The following THTPA variants were observed in gnomAD, a reference collection of about 807,000 sequenced individuals.
THTPA encodes the protein thiamine-triphosphatase.
In THTPA, 16 loss-of-function variants were observed where a neutral mutation model predicts 16.5. That is an observed-to-expected ratio of 0.97 (90% CI 0.66 to 1.47). The LOEUF (loss-of-function observed/expected upper bound fraction) is 1.47, where lower values mean the gene tolerates loss of function less well. Ranked by LOEUF, THTPA falls within the 40% of genes most tolerant of loss-of-function variation. The pLI is 0.00. For synonymous variants in THTPA, 110 were observed against 115.5 expected (o/e 0.95, Z 0.30); for missense variants, 281 against 280.9 (o/e 1.00, Z 0.00).
chr14:23,522,988 A>G, the THTPA span: 3 of 1,424,846 alleles, frequency 2.1e-6, no homozygotes, highest in South Asian at 3.1e-5. Flanking sequence ...CTCCTGTCCC[A>G]TCATTCTTCC....
chr14:23,540,512 A>G, the THTPA span, among the ~76,000 whole-genome samples: 2 of 152,234 alleles, frequency 1.3e-5, no homozygotes, highest in African/African-American at 2.4e-5. Context: ...AACAGGAAGG[A>G]TGAGATGTGT....
At chr14:23,548,875 C>CATCAGTCACGCTCTCTTT in the THTPA span, among the ~76,000 whole-genome samples, 1 of 152,154 alleles carries the variant, frequency 6.6e-6, no homozygotes, top group Non-Finnish European at 1.5e-5. Flanking sequence ...TCGCTCTCTT[C>CATCAGTCACGCTCTCTTT]GCATCAGTCA....
the THTPA span, chr14:23,531,585 G>A: frequency 2.8e-5 from 43 of 1,527,260 alleles, no homozygotes; most frequent in Non-Finnish European, 3.8e-5. Context: ...ACGCCTCTGG[G>A]CCTGGGCATC....
the THTPA span, chr14:23,531,869 C>G: frequency 1.1e-5 from 12 of 1,086,210 alleles, no homozygotes; most frequent in Non-Finnish European, 1.4e-5. Flanking sequence ...CCTCTACCTC[C>G]TGGGTTCAGT....
At chr14:23,523,458 G>A in the THTPA span, 3 of 1,535,914 alleles carry the variant, frequency 2.0e-6, no homozygotes, top group African/African-American at 1.4e-5. The surrounding 1 kb of genome is among the most constrained non-coding windows in gnomAD (Gnocchi z 4.1). Context: ...AGATGGCCTC[G>A]GCAGGAGACA....
At chr14:23,521,279 T>C in the THTPA span, 1 of 151,886 alleles carries the variant, frequency 6.6e-6, no homozygotes. Flanking sequence ...GTAGGAAGAG[T>C]GAACCAGAAG....
the THTPA span, chr14:23,527,694 C>T: frequency 3.9e-6 from 6 of 1,536,130 alleles, no homozygotes; most frequent in Admixed American, 3.9e-5. Flanking sequence ...CCAGCTGTTC[C>T]TGGCACAGTG....
chr14:23,554,095 C>T (rs376836831), upstream of THTPA, among the ~76,000 whole-genome samples: 6 of 146,318 alleles, frequency 4.1e-5, no homozygotes, highest in Admixed American at 1.4e-4. Context: ...GAGTAGCTTG[C>T]GGAAGGCCAA....
At chr14:23,527,188 C>G in the THTPA span, among the ~76,000 whole-genome samples, 4 of 152,178 alleles carry the variant, frequency 2.6e-5, no homozygotes, top group Non-Finnish European at 5.9e-5. Context: ...TTTCCCCAAA[C>G]CAGAAGTCAT....
At chr14:23,551,031 G>T (rs1299612971), upstream of THTPA, among the ~76,000 whole-genome samples, 4 of 151,496 alleles carry the variant, frequency 2.6e-5, no homozygotes, top group East Asian at 5.8e-4. This position sits in a 1 kb window ranked among gnomAD's most constrained non-coding sequence, Gnocchi z 5.3. Context: ...CATACCCTTC[G>T]TCTGTCCGGC....
At chr14:23,532,066 G>A in the THTPA span, 5,317 of 185,706 alleles carry the variant, frequency 0.029, 313 homozygotes, top group African/African-American at 0.12. Context: ...GTGAGCCACC[G>A]CACCTAGCCT....
At chr14:23,519,197 C>T in the THTPA span, among the ~76,000 whole-genome samples, 3 of 152,222 alleles carry the variant, frequency 2.0e-5, no homozygotes, top group African/African-American at 4.8e-5. Context: ...TCGGTGAAAA[C>T]ACTCATAGTT....
At chr14:23,520,618 T>C in the THTPA span, among the ~76,000 whole-genome samples, 1 of 152,068 alleles carries the variant, frequency 6.6e-6, no homozygotes, top group East Asian at 1.9e-4. This position sits in a 1 kb window ranked among gnomAD's most constrained non-coding sequence, Gnocchi z 8.7. Flanking sequence ...AGCGGGGACA[T>C]GTCCCTCCCC....
At chr14:23,532,155 AC>A in the THTPA span, 2 of 122,384 alleles carry the variant, frequency 1.6e-5, no homozygotes, top group African/African-American at 3.2e-5. Flanking sequence ...TGCTCCTGAA[AC>A]CCCCCCTTTC....
At position 23,559,902 on chromosome 14, in the gene THTPA, CCTGGGT is replaced by C; in HGVS notation, c.*1065_*1070del. The C allele has an allele frequency of 6.2e-7, 1 of 1,611,798 alleles. No individual in the cohort carries two copies. Among genetic ancestry groups the C allele is most frequent in the Non-Finnish European group, 8.5e-7 (1 of 1,178,360 alleles). ...GTTAGCACCCACGGCTTCTTCTATCCCTGGGTCTTGTCTTGGGGGAACTCCTGAAGC... is the reference window on the plus strand; with the variant it reads ...GTTAGCACCCACGGCTTCTTCTATCCCTTGTCTTGGGGGAACTCCTGAAGC... On this transcript the variant is annotated 3_prime_UTR_variant, in exon 2 of 2. Transcript: ENST00000288014.
At chr14:23,557,419 A>G in intron 1 of THTPA, 115 bp downstream of exon 1, 2 of 1,192,546 alleles carry the variant, frequency 1.7e-6, no homozygotes, top group Non-Finnish European at 2.3e-6. Flanking sequence ...TTTTTTTAAT[A>G]GAGACAAGGT....
upstream of THTPA, among the ~76,000 whole-genome samples, chr14:23,554,766 T>C (rs912310544): frequency 1.3e-5 from 2 of 152,032 alleles, no homozygotes; most frequent in Admixed American, 1.3e-4. Flanking sequence ...AACATACTGG[T>C]GAGAGGGCAG....
the THTPA span, among the ~76,000 whole-genome samples, chr14:23,549,262 G>A: frequency 9.9e-4 from 151 of 151,820 alleles, no homozygotes; most frequent in African/African-American, 3.5e-3. Context: ...CCCTTCCTTT[G>A]CACATCCCTC....
the THTPA span, among the ~76,000 whole-genome samples, chr14:23,545,339 G>T: frequency 6.6e-6 from 1 of 152,102 alleles, no homozygotes; most frequent in African/African-American, 2.4e-5. Context: ...ACAACCACTC[G>T]TCCGCCCTCC....
Sources: gnomAD v4.1 joint callset for allele counts (sites outside exome capture counted in the v4.1 genomes callset) on GRCh38, gnomAD v4.1.1 for gene constraint, Gnocchi (gnomAD v3.1) non-coding constraint, MANE v1.5 for transcripts, NCBI Gene and HGNC (gene_info 2026-07-23, HGNC 2026-07-21) for gene names.